RSF1: variants seen among roughly 807,000 people sequenced by gnomAD.
RSF1 encodes the protein remodeling and spacing factor 1.
Under a neutral mutation model 145.2 loss-of-function variants are expected in RSF1, and 13 were observed. The ratio of observed to expected loss-of-function variants is 0.09; its 90% CI spans 0.06 to 0.14. The LOEUF is 0.14. RSF1 is among the 10% of genes least tolerant of loss of function. The pLI is 1.00. For missense variants in RSF1, 1,517 were observed against 1,718.2 expected (o/e 0.88, Z 2.07); for synonymous variants, 577 against 592.6 (o/e 0.97, Z 0.38).
At chr11:77,723,862 T>C (rs1042967135) in intron 5 of RSF1, among the ~76,000 whole-genome samples, 2 of 152,236 alleles carry the variant, frequency 1.3e-5, no homozygotes, top group African/African-American at 4.8e-5. Context: ...AGGTTATCAA[T>C]AACAAATATT....
chr11:77,759,421 C>CCTGT (rs1234809486), intron 2 of RSF1, among the ~76,000 whole-genome samples: 1 of 152,220 alleles, frequency 6.6e-6, no homozygotes, highest in African/African-American at 2.4e-5. Context: ...GCGGCTCACA[C>CCTGT]CTGTAATCCC....
rs79344215 is a variant in RSF1 at position 77,737,607 on chromosome 11, T to C, written c.578+3124A>G. 2.8e-3 allele frequency among the ~76,000 whole-genome samples: 387 copies of C among 140,694 alleles called. 2 individuals are homozygous for C. Among genetic ancestry groups the C allele is most frequent in the African/African-American group, 9.5e-3 (365 of 38,248 alleles). The allele number at this position is 140,694 out of a possible 152,430, so 92.3% of individuals were successfully genotyped here. On this transcript the variant is annotated intron_variant, in intron 4 of 15. Coordinates refer to ENST00000308488, the MANE Select transcript of RSF1 (RefSeq NM_016578.4). ...AATTTTAACAAATGGAAAGAAGTTT[T>C]ATGTGTTTTGGGGGGTGTGTGTGTG...
chr11:77,713,024 C>T (rs1444053938), intron 5 of RSF1, among the ~76,000 whole-genome samples: 1 of 152,104 alleles, frequency 6.6e-6, no homozygotes, highest in African/African-American at 2.4e-5. Context: ...AGCTCTGGTT[C>T]CTCTTACAGG....
intron 5 of RSF1, among the ~76,000 whole-genome samples, chr11:77,710,268 T>C (rs1419799260): frequency 2.0e-5 from 3 of 152,212 alleles, no homozygotes; most frequent in Admixed American, 6.5e-5. Context: ...ACATATGTAT[T>C]ACCTCACAAT....
At chr11:77,838,209 A>G in the RSF1 span, among the ~76,000 whole-genome samples, 1 of 123,816 alleles carries the variant, frequency 8.1e-6, no homozygotes, top group African/African-American at 2.6e-5. Context: ...CAAATTGACA[A>G]GATGTAGACT....
intron 3 of RSF1, 90 bp downstream of exon 3, chr11:77,746,946 T>C: frequency 2.7e-6 from 2 of 742,132 alleles, no homozygotes; most frequent in Non-Finnish European, 4.5e-6. Context: ...ATAATAAAAA[T>C]GTCTACTTTT....
At chr11:77,719,640 T>C (rs1306052481) in intron 5 of RSF1, among the ~76,000 whole-genome samples, 3 of 152,178 alleles carry the variant, frequency 2.0e-5, no homozygotes, top group Admixed American at 1.3e-4. Flanking sequence ...CCTCAAAAAT[T>C]TGTATATTAA....
chr11:77,865,589 C>T, the RSF1 span, among the ~76,000 whole-genome samples: 5 of 152,150 alleles, frequency 3.3e-5, no homozygotes, highest in East Asian at 5.8e-4. Flanking sequence ...GTACAGAAAA[C>T]GGAGTGTCTA....
chr11:77,823,637 A>AT, upstream of RSF1, among the ~76,000 whole-genome samples: 1 of 151,546 alleles, frequency 6.6e-6, no homozygotes, highest in South Asian at 2.1e-4. Flanking sequence ...AAAAAAAAAA[A>AT]AAAAAGAATA....
In RSF1 at chr11:77,693,546, G is replaced by A. The variant is rs929909218; in HGVS notation, c.2781C>T (p.Ile927=). 1 of 1,613,806 alleles carries A rather than the reference G, an allele frequency of 6.2e-7. No homozygotes were observed. Among genetic ancestry groups the A allele is most frequent in the Non-Finnish European group, 8.5e-7 (1 of 1,179,894 alleles). ...GGCAGAACCATTCTCCATCTGGGAT[G>A]ATCATCAGAGGAGGGCGAAGGCAGG... is the stretch of plus-strand genomic sequence containing the variant. ...HTACLRPPLM[I]IPDGEWFCPP... is the part of the protein sequence containing the mutation. The change falls in exon 8 of 16, where the codon ATC becomes ATT. Residue 927 remains isoleucine, a synonymous_variant. Transcript: ENST00000308488.
At chr11:77,719,358 A>G (rs919220891) in intron 5 of RSF1, among the ~76,000 whole-genome samples, 29 of 152,240 alleles carry the variant, frequency 1.9e-4, no homozygotes, top group Non-Finnish European at 3.4e-4. Flanking sequence ...AGACATGAAT[A>G]CAATAAATAT....
chr11:77,723,442 G>A (rs1035526110), intron 5 of RSF1, among the ~76,000 whole-genome samples: 4 of 152,140 alleles, frequency 2.6e-5, no homozygotes, highest in East Asian at 1.9e-4. Context: ...CAGCCTGGGC[G>A]ACAGAGAGAG....
Position 77,774,398 on chromosome 11 carries a change from C to T in RSF1, c.188-9709G>A, listed in dbSNP as rs914061056. ...CAGGCAGATCACGAGGTCAGGAGTT[C>T]GAGACCAGCTAAAAAATACAAAAAT... On this transcript the variant is annotated intron_variant, in intron 1 of 15. Transcript: ENST00000308488. 3.3e-5 allele frequency among the ~76,000 whole-genome samples: 5 copies of T among 151,668 alleles called. No homozygotes were observed. In the East Asian group the frequency reaches 7.8e-4, roughly 24 times the overall value.
rs1960434123 is a variant in RSF1, at chr11:77,701,875, C to T, written c.1354G>A (p.Ala452Thr). ...VNGEVSDERV[A>T]PNFKTEPIET... Reference sequence around the variant, plus strand: ...ATTGGTTCTGTCTTAAAATTTGGAGCTACCCTTTCATCACTAACTTCTCCA... The same window carrying T: ...ATTGGTTCTGTCTTAAAATTTGGAGTTACCCTTTCATCACTAACTTCTCCA... Residue 452 changes from alanine (A) to threonine (T), a missense_variant, in exon 6 of 16, where the codon GCT (alanine) becomes ACT (threonine). Coordinates refer to ENST00000308488, the MANE Select transcript of RSF1 (RefSeq NM_016578.4). The T allele has an allele frequency of 6.2e-7, 1 of 1,613,944 alleles. No homozygotes were observed. The highest frequency in any genetic ancestry group is 1.3e-5 in the African/African-American group (1 of 74,920).
chr11:77,808,413 C>T (rs116511532), intron 1 of RSF1, among the ~76,000 whole-genome samples: 1,681 of 151,492 alleles, frequency 0.011, 25 homozygotes, highest in African/African-American at 0.039. Context: ...TTTTCCCAAG[C>T]AATGATGAAA....
the RSF1 span, among the ~76,000 whole-genome samples, chr11:77,841,488 A>G: frequency 0.24 from 36,671 of 152,016 alleles, 4,729 homozygotes; most frequent in East Asian, 0.4. Flanking sequence ...AGGCAGTAAG[A>G]CTTTCTCTCT....
chr11:77,806,173 C>A (rs1948675165), intron 1 of RSF1, among the ~76,000 whole-genome samples: 1 of 152,022 alleles, frequency 6.6e-6, no homozygotes. Flanking sequence ...TTTCAGGTCA[C>A]CCCTGGTGAA....
rs1396159875 is a variant in RSF1, at chr11:77,676,800, G to C, written c.3333C>G (p.Ile1111Met). The C allele has an allele frequency of 6.2e-7, 1 of 1,613,736 alleles. No homozygotes were observed. Among genetic ancestry groups the C allele is most frequent in the East Asian group, 2.2e-5 (1 of 44,876 alleles). The part of the protein sequence containing the change: ...DEEESEDEFK[I>M]SDGSQDEFVV... ...AGTAGGAGACCACACACCCATCACT[G>C]ATCTTGAATTCATCCTCGCTCTCTT... The change falls in exon 13 of 16, where the codon ATC becomes ATG. Residue 1111 changes from isoleucine (I) to methionine (M), a missense_variant. Transcript: ENST00000308488.
At chr11:77,777,476 T>A (rs1948354201) in intron 1 of RSF1, among the ~76,000 whole-genome samples, 1 of 152,046 alleles carries the variant, frequency 6.6e-6, no homozygotes, top group Admixed American at 6.6e-5. Context: ...GCCTGTAGTC[T>A]CAGCTACTTG....
Sources: allele counts gnomAD v4.1 joint callset (sites outside exome capture counted in the v4.1 genomes callset), GRCh38; gene constraint gnomAD v4.1.1; transcripts MANE v1.5; gene names NCBI Gene and HGNC (gene_info 2026-07-23, HGNC 2026-07-21).